Variants in CADPS observed in about 807,000 individuals in gnomAD.
CADPS encodes the protein calcium dependent secretion activator.
Under a neutral mutation model 167.3 loss-of-function variants are expected in CADPS, and 57 were observed. That is an observed-to-expected ratio of 0.34 (90% CI 0.28 to 0.42). The LOEUF (loss-of-function observed/expected upper bound fraction) is 0.42. CADPS is among the 20% of genes least tolerant of loss of function. CADPS has a pLI of 1.00. For synonymous variants in CADPS, 676 were observed against 635.3 expected, an observed-to-expected ratio of 1.06 and a Z score of -0.96; for missense variants, 1,414 against 1,738.1, an observed-to-expected ratio of 0.81 and a Z score of 3.32.
intron 1 of CADPS, among the ~76,000 whole-genome samples, chr3:62,794,785 A>C: frequency 6.7e-6 from 1 of 149,994 alleles, no homozygotes; most frequent in Admixed American, 6.6e-5. Context: ...TGGTAAAAAA[A>C]AAAAAAAAAA....
At chr3:62,509,699 T>C (rs575668663) in intron 17 of CADPS, among the ~76,000 whole-genome samples, 3 of 152,260 alleles carry the variant, frequency 2.0e-5, no homozygotes, top group Admixed American at 6.5e-5. Context: ...TCGGGAAGAA[T>C]TTACAATGTA....
chr3:62,735,698 G>T (rs2078862490), intron 3 of CADPS, among the ~76,000 whole-genome samples: 1 of 152,146 alleles, frequency 6.6e-6, no homozygotes, highest in African/African-American at 2.4e-5. Context: ...TTGCCAATGG[G>T]ATCTGAGCAG....
intron 6 of CADPS, among the ~76,000 whole-genome samples, chr3:62,621,754 C>T (rs1421993755): frequency 1.3e-5 from 2 of 151,994 alleles, no homozygotes; most frequent in East Asian, 1.9e-4. Context: ...CTCTACCCTC[C>T]GATAGGCCCC....
chr3:62,638,095 G>GTA (rs1373593585), intron 6 of CADPS, among the ~76,000 whole-genome samples: 1 of 28,686 alleles, frequency 3.5e-5, no homozygotes, highest in African/African-American at 5.5e-5. Context: ...ATATATATAT[G>GTA]TATATATATA....
chr3:62,686,924 T>A (rs868114173), intron 3 of CADPS, among the ~76,000 whole-genome samples: 3 of 152,116 alleles, frequency 2.0e-5, no homozygotes, highest in African/African-American at 4.8e-5. Context: ...GTATCCTTTG[T>A]TCCTCCCCAC....
At chr3:62,679,158 C>T (rs1008372592) in intron 3 of CADPS, among the ~76,000 whole-genome samples, 4 of 151,944 alleles carry the variant, frequency 2.6e-5, no homozygotes, top group South Asian at 2.1e-4. Flanking sequence ...AGCTGGTTGA[C>T]CTGCCTTGTG....
At chr3:62,591,574 G>A (rs2086045603) in intron 7 of CADPS, among the ~76,000 whole-genome samples, 1 of 152,162 alleles carries the variant, frequency 6.6e-6, no homozygotes, top group East Asian at 1.9e-4. Context: ...TGGGGGTGAA[G>A]AGGTGAGCAG....
intron 3 of CADPS, among the ~76,000 whole-genome samples, chr3:62,736,919 G>A (rs6793098): frequency 0.073 from 11,078 of 152,108 alleles, 471 homozygotes; most frequent in South Asian, 0.15. Context: ...CAGGTTAATT[G>A]CGAGGTTAGG....
In CADPS at chr3:62,557,400, G is replaced by A. The variant is rs748324341; in HGVS notation, c.1753+5C>T. The stretch of plus-strand genomic sequence containing the variant: ...GGGCTCGTGGCCTTGAGGGTCGGTG[G>A]GTACCTGGCTGGGGGTCGGTGTAAT... On this transcript the variant is annotated splice_donor_5th_base_variant and intron_variant, in intron 10 of 29. Transcript: ENST00000383710. 5 of 1,607,248 alleles carry A rather than the reference G, an allele frequency of 3.1e-6. No homozygotes were observed. The highest frequency in any genetic ancestry group is 1.7e-6 in the Non-Finnish European group (2 of 1,173,918).
chr3:62,606,877 G>C (rs1273309979), intron 6 of CADPS, among the ~76,000 whole-genome samples: 1 of 152,214 alleles, frequency 6.6e-6, no homozygotes, highest in Non-Finnish European at 1.5e-5. Flanking sequence ...CAAACCCACA[G>C]TGAGAATCGA....
At chr3:62,856,206 G>A (rs2079653007) in intron 1 of CADPS, among the ~76,000 whole-genome samples, 1 of 152,142 alleles carries the variant, frequency 6.6e-6, no homozygotes, top group African/African-American at 2.4e-5. Flanking sequence ...AGAGGGAATA[G>A]AGAGCTTTGG....
intron 3 of CADPS, among the ~76,000 whole-genome samples, chr3:62,700,282 A>G (rs2081156136): frequency 6.6e-6 from 1 of 152,114 alleles, no homozygotes; most frequent in Non-Finnish European, 1.5e-5. Context: ...ACCTGGCGAC[A>G]TGCTTCTAAG....
intron 6 of CADPS, among the ~76,000 whole-genome samples, chr3:62,606,760 G>GT (rs1395133278): frequency 3.9e-5 from 6 of 152,340 alleles, no homozygotes; most frequent in African/African-American, 1.2e-4. Context: ...GAGTGGTTGA[G>GT]CTTTTTCTCC....
chr3:62,851,004 A>G lies in CADPS; in HGVS notation c.441+23585T>C, dbSNP rs1378301690. On this transcript the variant is annotated intron_variant, in intron 1 of 29. Transcript: ENST00000383710. The stretch of plus-strand genomic sequence containing the variant: ...TTAGGATAGTTAGCTCCTCTTGTTG[A>G]ATTGATCCCTTTACCATTATGTAAT... 5.5e-3 allele frequency among the ~76,000 whole-genome samples: 785 copies of G among 142,794 alleles called. 9 individuals carry two copies. The highest frequency in any genetic ancestry group is 0.019 in the African/African-American group (732 of 38,230). The allele number at this position is 142,794 out of a possible 152,430, so 93.7% of individuals were successfully genotyped here.
At chr3:62,748,606 G>GTCA (rs1009083724) in intron 3 of CADPS, among the ~76,000 whole-genome samples, 2 of 151,994 alleles carry the variant, frequency 1.3e-5, no homozygotes, top group African/African-American at 4.8e-5. Flanking sequence ...ATATCATATC[G>GTCA]TCATCATCAT....
At chr3:62,806,016 T>G (rs2152834387) in intron 1 of CADPS, among the ~76,000 whole-genome samples, 1 of 152,230 alleles carries the variant, frequency 6.6e-6, no homozygotes, top group South Asian at 2.1e-4. Context: ...CCCTTATGGC[T>G]TTTCCTTGCT....
chr3:62,753,763 T>G lies in CADPS; in HGVS notation c.566A>C (p.Lys189Thr), dbSNP rs1416467974. 1 of 1,611,746 alleles carries G rather than the reference T, an allele frequency of 6.2e-7. No individual in the cohort carries two copies. The highest frequency in any genetic ancestry group is 1.7e-5 in the Admixed American group (1 of 59,906). The stretch of plus-strand genomic sequence containing the variant: ...AACCATGCGGGCCACACGGTCGCTC[T>G]TCAGGAACACCTGAGCAAGAACAAG... ...AVQSYYEVFL[K>T]SDRVARMVQS... Residue 189 changes from lysine (K) to threonine (T), a missense_variant, in exon 3 of 30, where the codon AAG (lysine) becomes ACG (threonine). By Grantham distance (78) the Lys-to-Thr change is moderately conservative. This residue lies in a region of CADPS where 522 missense variants were observed against 559.5 expected (regional missense o/e 0.93). Transcript: ENST00000383710. This position sits in a 1 kb window ranked among gnomAD's most constrained non-coding sequence, Gnocchi z 4.6.
In CADPS at chr3:62,412,089, A is replaced by AGATAATCAG. The variant is rs906543118; in HGVS notation, c.3778-8913_3778-8905dup. On this transcript the variant is annotated intron_variant, in intron 28 of 29. Coordinates refer to ENST00000383710, the MANE Select transcript of CADPS (RefSeq NM_003716.4). The surrounding 1 kb of genome is among the most constrained non-coding windows in gnomAD (Gnocchi z 4.1). ...AACAGACACCAAAATCAGAGGGTAC[A>AGATAATCAG]GATAATCAGAATGACCTTCTCAGCT... Among the ~76,000 whole-genome samples, 2 of 152,134 alleles carry AGATAATCAG rather than the reference A, an allele frequency of 1.3e-5. No individual in the cohort carries two copies. The highest frequency in any genetic ancestry group is 4.8e-5 in the African/African-American group (2 of 41,420).
intron 8 of CADPS, among the ~76,000 whole-genome samples, chr3:62,583,045 G>A (rs149503781): frequency 6.6e-6 from 1 of 152,080 alleles, no homozygotes; most frequent in African/African-American, 2.4e-5. Flanking sequence ...TGTAGGTTGA[G>A]GCACTGATCA....
Sources: allele counts gnomAD v4.1 joint callset (sites outside exome capture counted in the v4.1 genomes callset), GRCh38; gene constraint gnomAD v4.1.1; regional missense constraint gnomAD v4.1.1; non-coding constraint Gnocchi (gnomAD v3.1); transcripts MANE v1.5; gene names NCBI Gene and HGNC (gene_info 2026-07-23, HGNC 2026-07-21).